The following PEPD variants were observed in gnomAD, a reference collection of about 807,000 sequenced individuals.
The protein encoded by PEPD is peptidase D.
Under a neutral mutation model 60.7 loss-of-function variants are expected in PEPD, and 53 were observed. The ratio of observed to expected loss-of-function variants is 0.87; its 90% CI spans 0.70 to 1.10. PEPD has a LOEUF of 1.10. Among genes scored for constraint, PEPD ranks in the 50% least tolerant of loss-of-function variants. PEPD has a pLI of 0.00. For synonymous variants in PEPD, 267 were observed against 284.1 expected (o/e 0.94, Z 0.60); for missense variants, 711 against 711.9 (o/e 1.00, Z 0.01).
chr19:33,458,734 G>A (rs1969867833), intron 9 of PEPD, among the ~76,000 whole-genome samples: 1 of 122,358 alleles, frequency 8.2e-6, no homozygotes, highest in South Asian at 2.7e-4. Flanking sequence ...TATGCAGCAT[G>A]TGTGTTGTGT....
chr19:33,388,150 T>G (rs1968124625), intron 13 of PEPD, 69 bp from the exon 14 acceptor site: 1 of 1,332,180 alleles, frequency 7.5e-7, no homozygotes, highest in Non-Finnish European at 1.0e-6. Flanking sequence ...TCAGGAGAGA[T>G]GGGCATGTGA....
intron 12 of PEPD, among the ~76,000 whole-genome samples, chr19:33,398,975 G>A (rs903147180): frequency 6.6e-6 from 1 of 152,154 alleles, no homozygotes; most frequent in Admixed American, 6.5e-5. Context: ...ATACTCAGGG[G>A]TGGCAGCTCC....
chr19:33,418,405 T>A (rs980504926), intron 9 of PEPD, among the ~76,000 whole-genome samples: 1 of 152,182 alleles, frequency 6.6e-6, no homozygotes, highest in Non-Finnish European at 1.5e-5. Flanking sequence ...GAGCAGCTAC[T>A]ATGGAGGACT....
chr19:33,428,580 G>T (rs10417411), intron 9 of PEPD, among the ~76,000 whole-genome samples: 46 of 152,158 alleles, frequency 3.0e-4, no homozygotes, highest in African/African-American at 1.0e-3. Context: ...AACCACCGTG[G>T]GCCAGGCTGA....
chr19:33,425,966 C>G (rs777853615), intron 9 of PEPD, among the ~76,000 whole-genome samples: 3 of 152,206 alleles, frequency 2.0e-5, no homozygotes, highest in Non-Finnish European at 2.9e-5. Flanking sequence ...TGCACAACCA[C>G]ACCTGGCTAA....
intron 9 of PEPD, among the ~76,000 whole-genome samples, chr19:33,445,853 G>C (rs1306864622): frequency 6.6e-6 from 1 of 152,156 alleles, no homozygotes; most frequent in Admixed American, 6.5e-5. Context: ...GAGGACATCA[G>C]ACAGGTGTGA....
chr19:33,407,815 C>T (rs1357138478), intron 11 of PEPD, among the ~76,000 whole-genome samples: 1 of 152,208 alleles, frequency 6.6e-6, no homozygotes, highest in African/African-American at 2.4e-5. Flanking sequence ...CACATGGGGC[C>T]GCTTGGCTCT....
chr19:33,515,970 C>T (rs182763562), intron 1 of PEPD, among the ~76,000 whole-genome samples: 1 of 152,156 alleles, frequency 6.6e-6, no homozygotes, highest in Admixed American at 6.5e-5. Context: ...GATAAGCCAC[C>T]TTCTCCTTGA....
chr19:33,443,591 TA>T (rs1250342314), intron 9 of PEPD, among the ~76,000 whole-genome samples: 8 of 151,934 alleles, frequency 5.3e-5, no homozygotes, highest in African/African-American at 1.9e-4. Flanking sequence ...GATTTAAATT[TA>T]AAAAGAAAAC....
At chr19:33,412,290 T>C (rs893855009) in intron 10 of PEPD, among the ~76,000 whole-genome samples, 6 of 152,012 alleles carry the variant, frequency 3.9e-5, no homozygotes, top group Non-Finnish European at 8.8e-5. Flanking sequence ...GAGACTGCAA[T>C]GAGCTATGAT....
intron 9 of PEPD, among the ~76,000 whole-genome samples, chr19:33,432,430 C>T (rs1163377948): frequency 1.3e-5 from 2 of 152,228 alleles, no homozygotes; most frequent in African/African-American, 2.4e-5. Flanking sequence ...GACCACCCAC[C>T]CAAGCAAAAG....
intron 9 of PEPD, among the ~76,000 whole-genome samples, chr19:33,432,106 G>A (rs927948262): frequency 3.3e-5 from 5 of 151,940 alleles, no homozygotes; most frequent in Admixed American, 1.3e-4. Context: ...GGAAGAAAGT[G>A]CAGCCCTATC....
intron 9 of PEPD, among the ~76,000 whole-genome samples, chr19:33,429,041 A>G (rs1374344959): frequency 6.6e-6 from 1 of 152,228 alleles, no homozygotes; most frequent in Non-Finnish European, 1.5e-5. Flanking sequence ...GGCTGGGACC[A>G]TAGGACTGAC....
chr19:33,491,221 G>A (rs995069089), intron 5 of PEPD, among the ~76,000 whole-genome samples: 3 of 152,036 alleles, frequency 2.0e-5, no homozygotes, highest in African/African-American at 4.8e-5. Context: ...TTGGGAGGCC[G>A]AGGTGGGCAG....
intron 12 of PEPD, among the ~76,000 whole-genome samples, chr19:33,398,836 G>A (rs982814065): frequency 6.6e-5 from 10 of 152,186 alleles, no homozygotes; most frequent in South Asian, 2.1e-4. Flanking sequence ...CTCCTTTATG[G>A]TTTTCACAGG....
chr19:33,514,135 G>T (rs1970984012), intron 1 of PEPD, among the ~76,000 whole-genome samples: 1 of 152,202 alleles, frequency 6.6e-6, no homozygotes. Context: ...AGATAATGGG[G>T]ATGAGGTGGA....
chr19:33,517,566 A>C (rs1257997319), intron 1 of PEPD, among the ~76,000 whole-genome samples: 1 of 129,378 alleles, frequency 7.7e-6, no homozygotes, highest in African/African-American at 2.6e-5. Flanking sequence ...TTCAAAAAAA[A>C]CAAAAAACAA....
At chr19:33,457,015 C>T (rs1173439394) in intron 9 of PEPD, among the ~76,000 whole-genome samples, 1 of 150,848 alleles carries the variant, frequency 6.6e-6, no homozygotes, top group Non-Finnish European at 1.5e-5. Flanking sequence ...GTCTCACCAT[C>T]CACCCAGAGT....
intron 11 of PEPD, among the ~76,000 whole-genome samples, chr19:33,403,698 A>C (rs1968553419): frequency 6.6e-6 from 1 of 152,174 alleles, no homozygotes; most frequent in Non-Finnish European, 1.5e-5. Flanking sequence ...ACTTGAATGC[A>C]CGGCCAGGAC....
Sources: allele counts gnomAD v4.1 joint callset (sites outside exome capture counted in the v4.1 genomes callset), GRCh38; gene constraint gnomAD v4.1.1; transcripts MANE v1.5; gene names NCBI Gene and HGNC (gene_info 2026-07-23, HGNC 2026-07-21).